Variants in SRSF11 observed in about 807,000 individuals in gnomAD.
The protein encoded by SRSF11 is serine and arginine rich splicing factor 11, also known as serine/arginine-rich splicing factor 11.
A neutral mutation model predicts 56.0 loss-of-function variants in SRSF11; 9 were observed. The ratio of observed to expected loss-of-function variants is 0.16; its 90% CI spans 0.10 to 0.28. SRSF11 has a LOEUF of 0.28. SRSF11 is among the 10% of genes least tolerant of loss of function. The pLI, the probability that SRSF11 is intolerant of heterozygous loss-of-function variation, is 1.00. For missense variants in SRSF11, 421 were observed against 600.7 expected (o/e 0.70, Z 3.13); for synonymous variants, 222 against 215.3 (o/e 1.03, Z -0.27).
rs779320026 is a variant in SRSF11, at chr1:70,221,891, C to T, written c.203+52C>T. ...CTGCTAACGCCGCCTCAGCCTGGGCCTAACACACACAATTTCCTTAGGCCC... is the reference window on the plus strand; with the variant it reads ...CTGCTAACGCCGCCTCAGCCTGGGCTTAACACACACAATTTCCTTAGGCCC... On this transcript the variant is annotated intron_variant, in intron 1 of 11. Coordinates refer to ENST00000370949, the MANE Select transcript of SRSF11 (RefSeq NM_001350605.2). 4 of 1,604,520 alleles carry T rather than the reference C, an allele frequency of 2.5e-6. No individual in the cohort carries two copies. In the East Asian group the frequency reaches 9.0e-5, roughly 36 times the overall value.
chr1:70,228,838 GTTAAT>G, intron 2 of SRSF11: 1 of 1,088,062 alleles, frequency 9.2e-7, no homozygotes. Flanking sequence ...CATCTACTTA[GTTAAT>G]TTAATGTTAA....
chr1:70,250,193 A>C, intron 10 of SRSF11, 146 bp downstream of exon 10: 4 of 1,267,762 alleles, frequency 3.2e-6, no homozygotes, highest in Non-Finnish European at 4.4e-6. Context: ...CTTAAACACC[A>C]TTAAGGACTG....
Position 70,208,428 on chromosome 1 carries a change from C to T in SRSF11, c.-26+2648C>T, listed in dbSNP as rs117719364. Among the ~76,000 whole-genome samples the T allele has an allele frequency of 1.7e-3, 255 of 152,170 alleles. 6 individuals carry two copies. In the East Asian group the frequency reaches 0.044, roughly 26 times the overall value. Reference sequence around the variant, plus strand: ...GGTCACTGCAACCTCCACCTCCCAGCTTCAAGTGATTTCTCCTGCCTCAGC... The same window carrying T: ...GGTCACTGCAACCTCCACCTCCCAGTTTCAAGTGATTTCTCCTGCCTCAGC... On this transcript the variant is annotated intron_variant, in intron 1 of 12. Transcript: ENST00000370950.
chr1:70,224,176 T>C (rs151324638), intron 1 of SRSF11, among the ~76,000 whole-genome samples: 150 of 152,276 alleles, frequency 9.9e-4, no homozygotes, highest in Admixed American at 1.9e-3. Flanking sequence ...CCCTGCATCA[T>C]GTTATATAAG....
chr1:70,250,465 GACC>G lies in SRSF11; in HGVS notation c.1220_1222del (p.Asp407_Arg408delinsGly). The G allele has an allele frequency of 6.2e-7, 1 of 1,600,466 alleles. No individual in the cohort carries two copies. The highest frequency in any genetic ancestry group is 8.6e-7 in the Non-Finnish European group (1 of 1,167,832). ...GAAGAAGAGTAAAGATAAGGAAAAG[GACC>G]GGGAAAGAAAATCAGAGAGTGATAA... On this transcript the variant is annotated inframe_deletion, in exon 11 of 12. Transcript: ENST00000370949.
At chr1:70,226,465 A>G (rs1381940555) in intron 1 of SRSF11, among the ~76,000 whole-genome samples, 1 of 152,184 alleles carries the variant, frequency 6.6e-6, no homozygotes, top group Non-Finnish European at 1.5e-5. Context: ...AAGTATAAAG[A>G]ATACAATTTG....
At chr1:70,215,865 C>T (rs1344563369) in intron 1 of SRSF11, among the ~76,000 whole-genome samples, 2 of 152,224 alleles carry the variant, frequency 1.3e-5, no homozygotes, top group Non-Finnish European at 1.5e-5. Flanking sequence ...TCACCACAAC[C>T]TCCACCTCCC....
intron 5 of SRSF11, among the ~76,000 whole-genome samples, chr1:70,236,520 C>T (rs971140894): frequency 5.1e-4 from 78 of 151,840 alleles, no homozygotes; most frequent in African/African-American, 1.8e-3. Context: ...TTAGTAGAGA[C>T]GGGGTTTCAC....
At chr1:70,213,481 G>A (rs1669747939) in intron 1 of SRSF11, among the ~76,000 whole-genome samples, 1 of 152,120 alleles carries the variant, frequency 6.6e-6, no homozygotes, top group Non-Finnish European at 1.5e-5. Flanking sequence ...TATCTTTCAT[G>A]TGAGTTTAAA....
chr1:70,250,860 G>A lies in SRSF11; in HGVS notation c.*55G>A. The A allele has an allele frequency of 1.3e-6, 2 of 1,491,344 alleles. No homozygotes were observed. Among genetic ancestry groups the A allele is most frequent in the Non-Finnish European group, 1.9e-6 (2 of 1,073,116 alleles). 92.4% of individuals were successfully genotyped at this position (1,491,344 alleles called of 1,614,324 possible). On this transcript the variant is annotated 3_prime_UTR_variant, in exon 12 of 12. Transcript: ENST00000370949. ...ACCTGCATCAGTGTCATTCCTTTGT[G>A]TGATTTCTTAATGCTGTATTTGTTC...
intron 4 of SRSF11, among the ~76,000 whole-genome samples, chr1:70,235,040 C>T (rs1046674569): frequency 6.6e-6 from 1 of 152,138 alleles, no homozygotes; most frequent in African/African-American, 2.4e-5. Context: ...GTCATAGAGT[C>T]AGAGTAAATA....
intron 1 of SRSF11, among the ~76,000 whole-genome samples, chr1:70,210,523 G>C (rs905997465): frequency 1.3e-5 from 2 of 152,108 alleles, no homozygotes; most frequent in African/African-American, 4.8e-5. Context: ...GACCAGCCTG[G>C]ACAATATCTT....
chr1:70,236,448 A>G (rs1674060330), intron 5 of SRSF11, among the ~76,000 whole-genome samples: 1 of 148,842 alleles, frequency 6.7e-6, no homozygotes, highest in Non-Finnish European at 1.5e-5. Flanking sequence ...CTTTTGCCTT[A>G]GCCTCCCAAG....
Position 70,213,100 on chromosome 1 carries a change from C to T in SRSF11, c.-26+7320C>T, listed in dbSNP as rs568967474. ...GATGAGGAAATTGGAGAGTTTTTTCCGACTTTCTTGTAATGACATGTAACA... is the reference window on the plus strand; with the variant it reads ...GATGAGGAAATTGGAGAGTTTTTTCTGACTTTCTTGTAATGACATGTAACA... On this transcript the variant is annotated intron_variant, in intron 1 of 12. Coordinates refer to the SRSF11 transcript ENST00000370950. 3.3e-3 allele frequency among the ~76,000 whole-genome samples: 501 copies of T among 152,062 alleles called. 5 individuals carry two copies. Among genetic ancestry groups the T allele is most frequent in the South Asian group, 0.031 (148 of 4,816 alleles).
chr1:70,243,074 A>G (rs1255622212), intron 7 of SRSF11, among the ~76,000 whole-genome samples: 1 of 152,128 alleles, frequency 6.6e-6, no homozygotes, highest in Non-Finnish European at 1.5e-5. Context: ...TTATTGAGGC[A>G]TTACTATGGG....
chr1:70,250,399 G>C lies in SRSF11; in HGVS notation c.1153G>C (p.Glu385Gln). 6.2e-7 allele frequency: 1 copy of C among 1,603,196 alleles called. No homozygotes were observed. Among genetic ancestry groups the C allele is most frequent in the Non-Finnish European group, 8.5e-7 (1 of 1,170,452 alleles). Residue 385 changes from glutamate to glutamine, a missense_variant, in exon 11 of 12, where the codon GAA (glutamate) becomes CAA (glutamine). By Grantham distance (29) the Glu-to-Gln change is conservative. This residue lies in a region of SRSF11 where 253 missense variants were observed against 305.8 expected (regional missense o/e 0.83). Transcript: ENST00000370949. ...KKEKKKDKDK[E>Q]RSRDERERST... Reference sequence around the variant, plus strand: ...GGAGAAGAAGAAAGATAAAGACAAAGAAAGAAGTAGGGATGAAAGAGAACG... The same window carrying C: ...GGAGAAGAAGAAAGATAAAGACAAACAAAGAAGTAGGGATGAAAGAGAACG...
At chr1:70,236,581 A>C (rs1295714625) in intron 5 of SRSF11, among the ~76,000 whole-genome samples, 4 of 150,836 alleles carry the variant, frequency 2.7e-5, no homozygotes, top group Non-Finnish European at 5.9e-5. Context: ...CCACCCGCCA[A>C]GGCTTCCCAA....
intron 8 of SRSF11, 145 bp from the exon 9 acceptor site, chr1:70,246,673 T>A (rs1676843994): frequency 2.1e-6 from 1 of 483,342 alleles, no homozygotes; most frequent in African/African-American, 2.0e-5. Flanking sequence ...CATAAAGTAT[T>A]ATTTTTAAAA....
At chr1:70,233,692 A>C (rs1015571869) in intron 3 of SRSF11, among the ~76,000 whole-genome samples, 1 of 152,248 alleles carries the variant, frequency 6.6e-6, no homozygotes, top group Non-Finnish European at 1.5e-5. Context: ...TTTACTAAAT[A>C]AATTGAAACA....
Sources: gnomAD v4.1 joint callset for allele counts (sites outside exome capture counted in the v4.1 genomes callset) on GRCh38, gnomAD v4.1.1 for gene constraint, gnomAD v4.1.1 regional missense constraint, MANE v1.5 for transcripts, NCBI Gene and HGNC (gene_info 2026-07-23, HGNC 2026-07-21) for gene names.